FAM107B: variants seen among roughly 807,000 people sequenced by gnomAD.
The protein encoded by FAM107B is family with sequence similarity 107 member B.
Under a neutral mutation model 31.5 loss-of-function variants are expected in FAM107B, and 21 were observed. That is an observed-to-expected ratio of 0.67 (90% CI 0.47 to 0.96). The LOEUF is 0.96. Among genes scored for constraint, FAM107B ranks in the 40% least tolerant of loss-of-function variants. The pLI is 0.00. For missense variants in FAM107B, 452 were observed against 377.1 expected, an observed-to-expected ratio of 1.20 and a Z score of -1.64; for synonymous variants, 157 against 141.5, an observed-to-expected ratio of 1.11 and a Z score of -0.78.
At chr10:14,585,903 C>T (rs1057266501) in intron 2 of FAM107B, among the ~76,000 whole-genome samples, 22 of 152,172 alleles carry the variant, frequency 1.4e-4, no homozygotes, top group African/African-American at 5.3e-4. Context: ...ACTAATTACA[C>T]CTGGACCAGG....
At chr10:14,580,534 C>A (rs1851603368) in intron 2 of FAM107B, among the ~76,000 whole-genome samples, 1 of 152,012 alleles carries the variant, frequency 6.6e-6, no homozygotes, top group African/African-American at 2.4e-5. Context: ...AAATAAGTAT[C>A]CATCTTCTCA....
At chr10:14,595,840 T>C (rs1010093768) in intron 2 of FAM107B, among the ~76,000 whole-genome samples, 4 of 152,180 alleles carry the variant, frequency 2.6e-5, no homozygotes, top group African/African-American at 9.7e-5. Context: ...TTCTCTCTTG[T>C]ATCAACTCCA....
intron 2 of FAM107B, among the ~76,000 whole-genome samples, chr10:14,596,913 TG>T: frequency 6.6e-6 from 1 of 152,278 alleles, no homozygotes; most frequent in African/African-American, 2.4e-5. Flanking sequence ...TAGGTGAGTG[TG>T]ACTATTTCCA....
At chr10:14,644,167 C>A (rs959715534) in intron 2 of FAM107B, among the ~76,000 whole-genome samples, 20 of 152,144 alleles carry the variant, frequency 1.3e-4, no homozygotes, top group Non-Finnish European at 5.9e-5. Flanking sequence ...AAGAGACCAA[C>A]ATTTATTGAA....
At position 14,520,488 on chromosome 10, in the gene FAM107B, T is replaced by C. The variant is rs1471683641; in HGVS notation, c.*702A>G. 1 of 152,244 alleles carries C rather than the reference T, an allele frequency of 6.6e-6. No homozygotes were observed. Among genetic ancestry groups the C allele is most frequent in the Non-Finnish European group, 1.5e-5 (1 of 68,046 alleles). The allele number at this position is 152,244 out of a possible 1,614,324, so 9.4% of individuals were successfully genotyped here. ...CAAAGCAATTAATGAATGGACAGGA[T>C]GTACCTTCTTGGAACTGGAATGTCA... is the stretch of plus-strand genomic sequence containing the variant. On this transcript the variant is annotated 3_prime_UTR_variant, in exon 5 of 5. Coordinates refer to ENST00000181796, the MANE Select transcript of FAM107B (RefSeq NM_031453.4).
intron 3 of FAM107B, among the ~76,000 whole-genome samples, chr10:14,529,329 G>A (rs1425832053): frequency 6.6e-6 from 1 of 152,070 alleles, no homozygotes; most frequent in Non-Finnish European, 1.5e-5. Context: ...GATAAAACAG[G>A]AGTAAGCCAC....
intron 2 of FAM107B, among the ~76,000 whole-genome samples, chr10:14,579,099 T>C (rs560524386): frequency 6.6e-6 from 1 of 152,262 alleles, no homozygotes; most frequent in Admixed American, 6.5e-5. Context: ...ATTCGTTGTA[T>C]GAAGCACTCG....
chr10:14,620,017 CTTTTTTT>C (rs71388190), intron 2 of FAM107B, among the ~76,000 whole-genome samples: 2 of 83,900 alleles, frequency 2.4e-5, no homozygotes, highest in East Asian at 3.5e-4. Context: ...TTCTTTCTTT[CTTTTTTT>C]TTTTTTTTTT....
intron 1 of FAM107B, among the ~76,000 whole-genome samples, chr10:14,757,438 A>C (rs761931714): frequency 6.6e-6 from 1 of 150,738 alleles, no homozygotes; most frequent in Non-Finnish European, 1.5e-5. Context: ...CTTAAAATGT[A>C]TCTCTCTCTC....
chr10:14,747,830 G>A (rs11259300), intron 1 of FAM107B, among the ~76,000 whole-genome samples: 9,093 of 152,256 alleles, frequency 0.06, 383 homozygotes, highest in East Asian at 0.13. Context: ...CCTTGGTGGA[G>A]GGGGTGCACT....
chr10:14,650,619 T>C (rs1047087138), intron 2 of FAM107B, among the ~76,000 whole-genome samples: 13 of 152,224 alleles, frequency 8.5e-5, no homozygotes, highest in African/African-American at 2.4e-4. Context: ...CAAATACTTA[T>C]TGCTTACGTA....
rs1564606804 is a variant in FAM107B, at chr10:14,629,418, A to ATAAC, written c.469+38215_469+38216insGTTA. Among the ~76,000 whole-genome samples, 339 of 69,866 alleles carry ATAAC rather than the reference A, an allele frequency of 4.9e-3. 20 individuals carry two copies. Among genetic ancestry groups the ATAAC allele is most frequent in the African/African-American group, 9.3e-3 (140 of 14,982 alleles). The allele number at this position is 69,866 out of a possible 152,430, so 45.8% of individuals were successfully genotyped here. A position where few individuals can be genotyped will look rare whatever the true frequency, so the allele number is the denominator to read the frequency against. ...TATATATTATATATTTAATATATATAATATATATAATATATATTATATATA... is the reference window on the plus strand; with the variant it reads ...TATATATTATATATTTAATATATATATAACATATATATAATATATATTATATATA... On this transcript the variant is annotated intron_variant, in intron 2 of 4. Coordinates refer to ENST00000181796, the MANE Select transcript of FAM107B (RefSeq NM_031453.4).
intron 1 of FAM107B, among the ~76,000 whole-genome samples, chr10:14,674,504 G>A (rs1329279430): frequency 6.6e-6 from 1 of 152,126 alleles, no homozygotes; most frequent in Non-Finnish European, 1.5e-5. Flanking sequence ...AGAGAGACAT[G>A]TGTTTGCCAG....
chr10:14,615,556 C>T (rs1852829826), intron 2 of FAM107B, among the ~76,000 whole-genome samples: 1 of 152,238 alleles, frequency 6.6e-6, no homozygotes. Context: ...TCTTCCTCCC[C>T]TCTGTTAGCA....
intron 2 of FAM107B, among the ~76,000 whole-genome samples, chr10:14,638,899 C>T (rs1012507789): frequency 1.3e-5 from 2 of 152,094 alleles, no homozygotes; most frequent in East Asian, 1.9e-4. Flanking sequence ...ATCAACATTT[C>T]ACCTACTTTG....
chr10:14,686,352 G>A (rs563596356), intron 1 of FAM107B, among the ~76,000 whole-genome samples: 1 of 150,534 alleles, frequency 6.6e-6, no homozygotes, highest in East Asian at 2.0e-4. Flanking sequence ...TTGCACCACT[G>A]GACTCCAGCC....
chr10:14,554,793 C>T (rs1196003624), intron 2 of FAM107B, among the ~76,000 whole-genome samples: 5 of 152,158 alleles, frequency 3.3e-5, no homozygotes, highest in Non-Finnish European at 7.3e-5. Flanking sequence ...CAATCCTCTA[C>T]CAAAAAAGTG....
intron 2 of FAM107B, among the ~76,000 whole-genome samples, chr10:14,547,328 GGTTT>G (rs1191048911): frequency 1.3e-5 from 2 of 152,060 alleles, no homozygotes; most frequent in Non-Finnish European, 2.9e-5. Flanking sequence ...CACTTCTCTG[GGTTT>G]GTTTCCTTAC....
intron 1 of FAM107B, among the ~76,000 whole-genome samples, chr10:14,743,124 T>A (rs530433060): frequency 2.0e-5 from 3 of 152,346 alleles, no homozygotes; most frequent in African/African-American, 7.2e-5. Flanking sequence ...TGATCAATGA[T>A]GTTGAGCTTT....
Sources: gnomAD v4.1 joint callset for allele counts (sites outside exome capture counted in the v4.1 genomes callset) on GRCh38, gnomAD v4.1.1 for gene constraint, MANE v1.5 for transcripts, NCBI Gene and HGNC (gene_info 2026-07-23, HGNC 2026-07-21) for gene names.